PROM1: variants seen among roughly 807,000 people sequenced by gnomAD.
PROM1 encodes prominin 1, also known as prominin-1.
PROM1 carries 105 observed loss-of-function variants against 116.9 expected under a neutral mutation model. The ratio of observed to expected loss-of-function variants is 0.90; its 90% CI spans 0.77 to 1.06. PROM1 has a LOEUF of 1.06. Among genes scored for constraint, PROM1 ranks in the 50% least tolerant of loss-of-function variants. The pLI, the probability that PROM1 is intolerant of heterozygous loss-of-function variation, is 0.00. For missense variants in PROM1, 1,122 were observed against 1,045.2 expected (o/e 1.07, Z -1.01); for synonymous variants, 393 against 387.0 (o/e 1.02, Z -0.18).
At chr4:16,059,237 T>C (rs1739729912) in intron 2 of PROM1, among the ~76,000 whole-genome samples, 1 of 152,226 alleles carries the variant, frequency 6.6e-6, no homozygotes, top group Non-Finnish European at 1.5e-5. Flanking sequence ...ACAAGCTATG[T>C]GACCCTTGGC....
chr4:16,011,107 C>T (rs1026256405), intron 11 of PROM1, among the ~76,000 whole-genome samples: 6 of 152,150 alleles, frequency 3.9e-5, no homozygotes, highest in Admixed American at 6.5e-5. Flanking sequence ...CTTGCCCTCA[C>T]GCACGACATG....
chr4:16,062,951 T>G (rs759797763), intron 2 of PROM1, among the ~76,000 whole-genome samples: 1 of 152,210 alleles, frequency 6.6e-6, no homozygotes, highest in African/African-American at 2.4e-5. Flanking sequence ...TGAGAGCATG[T>G]TTGTGAATGA....
At chr4:16,077,052 A>G (rs1744108593) in intron 1 of PROM1, among the ~76,000 whole-genome samples, 1 of 152,210 alleles carries the variant, frequency 6.6e-6, no homozygotes, top group Non-Finnish European at 1.5e-5. Flanking sequence ...TGGGAAGGGA[A>G]AGACCTGACT....
chr4:16,018,423 G>A lies in PROM1; in HGVS notation c.902C>T (p.Ser301Phe), dbSNP rs753455781. The change falls in exon 9 of 28, where the codon TCT (serine) becomes TTT (phenylalanine). Residue 301 changes from serine to phenylalanine, a missense_variant. By Grantham distance (155) the Ser-to-Phe change is radical. Coordinates refer to ENST00000447510, the MANE Select transcript of PROM1 (RefSeq NM_006017.3). ...LTSVKTSLRS[S>F]LNDPLCLVHP... Reference sequence around the variant, plus strand: ...CACCAAGCACAGAGGGTCATTGAGAGATGACCGCAGGCTAGTTTTCACGCT... The same window carrying A: ...CACCAAGCACAGAGGGTCATTGAGAAATGACCGCAGGCTAGTTTTCACGCT... 2 of 1,613,800 alleles carry A rather than the reference G, an allele frequency of 1.2e-6. No homozygotes were observed. The highest frequency in any genetic ancestry group is 3.3e-5 in the Admixed American group (2 of 60,032).
chr4:16,039,864 G>A (rs6849988), intron 2 of PROM1, among the ~76,000 whole-genome samples: 98,002 of 151,812 alleles, frequency 0.65, 31,961 homozygotes, highest in Non-Finnish European at 0.67. Context: ...TTCTCACATA[G>A]GCCTGGGACC....
intron 13 of PROM1, among the ~76,000 whole-genome samples, chr4:16,004,963 C>CTTTT (rs144360637): frequency 1.2e-5 from 1 of 83,158 alleles, no homozygotes; most frequent in Non-Finnish European, 2.3e-5. Flanking sequence ...CTCGCTCTCT[C>CTTTT]TTTTTTTTTT....
At position 15,981,705 on chromosome 4, in the gene PROM1, C is replaced by T. The variant is rs1327781183; in HGVS notation, c.2374-1168G>A. On this transcript the variant is annotated intron_variant, in intron 23 of 27. Transcript: ENST00000447510. ...AGTTAGAAACAATGTTCACTGCATGCTAGGGTCTCAATCAATGTTTCACGT... is the reference window on the plus strand; with the variant it reads ...AGTTAGAAACAATGTTCACTGCATGTTAGGGTCTCAATCAATGTTTCACGT... 2.0e-5 allele frequency among the ~76,000 whole-genome samples: 3 copies of T among 152,184 alleles called. No individual in the cohort carries two copies. In the South Asian group the frequency reaches 6.2e-4, roughly 31 times the overall value.
At chr4:16,055,748 A>G (rs1338090988) in intron 2 of PROM1, among the ~76,000 whole-genome samples, 3 of 152,244 alleles carry the variant, frequency 2.0e-5, no homozygotes, top group Non-Finnish European at 2.9e-5. Flanking sequence ...CATAGCCTTT[A>G]CAATTCCATT....
Position 16,038,936 on chromosome 4 carries a change from GA to G in PROM1, c.276+9del. The G allele has an allele frequency of 6.8e-7, 1 of 1,464,046 alleles. No individual in the cohort carries two copies. The highest frequency in any genetic ancestry group is 9.0e-7 in the Non-Finnish European group (1 of 1,105,480). The allele number at this position is 1,464,046 out of a possible 1,614,324, so 90.7% of individuals were successfully genotyped here. A position where few individuals can be genotyped will look rare whatever the true frequency, so the allele number is the denominator to read the frequency against. ...TATTTTTAATAATAAATACACCAAT[GA>G]AAAATTACCTTGTCATAATCAATTT... On this transcript the variant is annotated intron_variant, in intron 3 of 27. Transcript: ENST00000447510.
intron 13 of PROM1, chr4:16,003,390 A>C (rs1467531547): frequency 4.4e-6 from 2 of 456,762 alleles, no homozygotes; most frequent in South Asian, 3.1e-5. Context: ...AAAGAGCATC[A>C]TGGTCTTTTT....
At chr4:15,975,418 A>T (rs921176763) in intron 26 of PROM1, among the ~76,000 whole-genome samples, 1 of 152,082 alleles carries the variant, frequency 6.6e-6, no homozygotes, top group African/African-American at 2.4e-5. Flanking sequence ...ATGAGGTTTC[A>T]CCATGTTGGC....
At chr4:16,025,368 T>C in intron 5 of PROM1, 56 bp from the exon 6 acceptor site, 4 of 1,600,402 alleles carry the variant, frequency 2.5e-6, no homozygotes, top group Non-Finnish European at 3.4e-6. Context: ...CATGGTTCTT[T>C]GTCCAGGTCC....
At chr4:15,975,531 T>A (rs1715888337) in intron 26 of PROM1, among the ~76,000 whole-genome samples, 1 of 152,194 alleles carries the variant, frequency 6.6e-6, no homozygotes, top group Non-Finnish European at 1.5e-5. Flanking sequence ...AAAGCTCTTA[T>A]TATTCCCTCC....
At chr4:16,076,169 G>A (rs1578336764) in intron 1 of PROM1, 51 bp from the exon 2 acceptor site, 2 of 547,462 alleles carry the variant, frequency 3.7e-6, no homozygotes, top group East Asian at 3.4e-5. Flanking sequence ...TAAACTGCCT[G>A]CACCTGGAGC....
At chr4:16,043,201 C>A (rs1171486978) in intron 2 of PROM1, among the ~76,000 whole-genome samples, 1 of 152,160 alleles carries the variant, frequency 6.6e-6, no homozygotes, top group Non-Finnish European at 1.5e-5. Context: ...TGGTCTGAGC[C>A]AAGTAACATA....
Position 15,998,722 on chromosome 4 carries a change from C to CT in PROM1, c.1579-235dup, listed in dbSNP as rs539347899. ...TTATTAAAATTACTTTTTTTGAGAA[C>CT]TTTTTTTTTTTGAGACAGAGTCTTG... On this transcript the variant is annotated intron_variant, in intron 14 of 27. Coordinates refer to ENST00000447510, the MANE Select transcript of PROM1 (RefSeq NM_006017.3). Among the ~76,000 whole-genome samples, 193 of 147,212 alleles carry CT rather than the reference C, an allele frequency of 1.3e-3. 1 individual carries two copies. Among genetic ancestry groups the CT allele is most frequent in the African/African-American group, 3.5e-3 (143 of 40,380 alleles).
intron 19 of PROM1, among the ~76,000 whole-genome samples, chr4:15,988,612 T>C (rs999917075): frequency 2.0e-5 from 3 of 152,170 alleles, no homozygotes; most frequent in African/African-American, 7.2e-5. Flanking sequence ...GTTTAGATCA[T>C]AGGTCTCAGG....
At chr4:16,046,084 T>C (rs2149446623) in intron 2 of PROM1, among the ~76,000 whole-genome samples, 1 of 152,330 alleles carries the variant, frequency 6.6e-6, no homozygotes, top group Non-Finnish European at 1.5e-5. Flanking sequence ...CAAGGCTAAG[T>C]TGGCTTAAGA....
At chr4:16,034,180 A>G (rs1733468062) in intron 4 of PROM1, among the ~76,000 whole-genome samples, 1 of 152,198 alleles carries the variant, frequency 6.6e-6, no homozygotes, top group Non-Finnish European at 1.5e-5. Context: ...CAAAAATAGA[A>G]GTTAAAGATT....
Sources: allele counts gnomAD v4.1 joint callset (sites outside exome capture counted in the v4.1 genomes callset), GRCh38; gene constraint gnomAD v4.1.1; transcripts MANE v1.5; gene names NCBI Gene and HGNC (gene_info 2026-07-23, HGNC 2026-07-21).